Variants in ODAD2 observed in about 807,000 individuals in gnomAD.
ODAD2 encodes outer dynein arm docking complex subunit 2.
ODAD2 carries 89 observed loss-of-function variants against 106.8 expected under a neutral mutation model. That is an observed-to-expected ratio of 0.83 (90% CI 0.70 to 0.99). The LOEUF is 0.99. ODAD2 is among the 50% of genes least tolerant of loss of function. ODAD2 has a pLI of 0.00. For synonymous variants in ODAD2, 404 were observed against 436.2 expected, an observed-to-expected ratio of 0.93 and a Z score of 0.92; for missense variants, 1,168 against 1,238.5, an observed-to-expected ratio of 0.94 and a Z score of 0.85.
intron 17 of ODAD2, among the ~76,000 whole-genome samples, chr10:27,870,615 T>C (rs1676013510): frequency 6.6e-6 from 1 of 152,166 alleles, no homozygotes. Flanking sequence ...TTTGGTTTTT[T>C]GTCCTTGCGA....
At chr10:27,906,436 T>C (rs1048439451) in intron 17 of ODAD2, among the ~76,000 whole-genome samples, 2 of 152,186 alleles carry the variant, frequency 1.3e-5, no homozygotes, top group East Asian at 1.9e-4. Context: ...GTTCTACCAT[T>C]GTGGAAGACA....
At chr10:27,827,693 G>A (rs1277554325) in intron 19 of ODAD2, among the ~76,000 whole-genome samples, 1 of 151,964 alleles carries the variant, frequency 6.6e-6, no homozygotes, top group African/African-American at 2.4e-5. Flanking sequence ...CTCCCTGGAC[G>A]ACTGCCTAAC....
chr10:27,877,194 A>C (rs1186514612), intron 17 of ODAD2, among the ~76,000 whole-genome samples: 1 of 152,212 alleles, frequency 6.6e-6, no homozygotes, highest in Non-Finnish European at 1.5e-5. Flanking sequence ...CCAAATTTCA[A>C]ATCAGTTTTG....
chr10:27,850,006 G>A (rs1018767737), intron 19 of ODAD2, among the ~76,000 whole-genome samples: 1 of 152,126 alleles, frequency 6.6e-6, no homozygotes, highest in Non-Finnish European at 1.5e-5. Context: ...CATGAGTCAC[G>A]GTTTGAAATC....
intron 17 of ODAD2, among the ~76,000 whole-genome samples, chr10:27,880,054 G>A (rs893495771): frequency 1.3e-5 from 2 of 152,094 alleles, no homozygotes; most frequent in African/African-American, 2.4e-5. Flanking sequence ...TAGTTCTGCT[G>A]GTGTGGCAAA....
At chr10:27,903,826 T>C (rs1331165042) in intron 17 of ODAD2, among the ~76,000 whole-genome samples, 2 of 152,116 alleles carry the variant, frequency 1.3e-5, no homozygotes, top group Admixed American at 6.6e-5. Flanking sequence ...GAAAAGCTGG[T>C]GTCACAGGCT....
intron 17 of ODAD2, among the ~76,000 whole-genome samples, chr10:27,869,891 G>A (rs1304127625): frequency 6.6e-6 from 1 of 152,126 alleles, no homozygotes; most frequent in African/African-American, 2.4e-5. Flanking sequence ...TTCCAACAGT[G>A]ATGTTTGATG....
At chr10:27,870,505 T>A (rs1470908259) in intron 17 of ODAD2, among the ~76,000 whole-genome samples, 1 of 151,796 alleles carries the variant, frequency 6.6e-6, no homozygotes, top group East Asian at 1.9e-4. Context: ...CCCTCCCCCA[T>A]CCCCCAACCC....
intron 15 of ODAD2, 22 bp from the exon 16 acceptor site, chr10:27,935,274 G>A: frequency 6.2e-7 from 1 of 1,611,766 alleles, no homozygotes; most frequent in East Asian, 2.2e-5. Flanking sequence ...ATAAGAAAGA[G>A]GAGAATTGGT....
Position 27,830,211 on chromosome 10 carries a change from C to T in ODAD2, c.3022-17586G>A, listed in dbSNP as rs139234153. Among the ~76,000 whole-genome samples the T allele has an allele frequency of 4.9e-3, 749 of 152,214 alleles. 9 individuals are homozygous for T. Among genetic ancestry groups the T allele is most frequent in the African/African-American group, 0.017 (693 of 41,532 alleles). The stretch of plus-strand genomic sequence containing the variant: ...TTGGTCTCCTCACCTCCTGGTTTCC[C>T]GGAATGTCTTTCTCACCACATAACA... On this transcript the variant is annotated intron_variant, in intron 19 of 19. Coordinates refer to ENST00000305242, the MANE Select transcript of ODAD2 (RefSeq NM_018076.5).
chr10:27,961,159 T>C (rs75886239), intron 10 of ODAD2, among the ~76,000 whole-genome samples: 7 of 151,878 alleles, frequency 4.6e-5, no homozygotes, highest in Non-Finnish European at 1.0e-4. Flanking sequence ...TTTTATTCTA[T>C]GGGTTGAGAA....
intron 17 of ODAD2, among the ~76,000 whole-genome samples, chr10:27,884,140 T>C (rs1313703429): frequency 6.6e-6 from 1 of 152,100 alleles, no homozygotes; most frequent in Non-Finnish European, 1.5e-5. Context: ...AGTGAAACTA[T>C]TGAAAGACAA....
intron 19 of ODAD2, among the ~76,000 whole-genome samples, chr10:27,837,027 G>A (rs544144591): frequency 3.3e-5 from 5 of 152,058 alleles, no homozygotes; most frequent in Admixed American, 2.0e-4. Context: ...ACTGCCCACC[G>A]TGAGGATTTC....
chr10:27,837,547 T>C (rs1837988676), intron 19 of ODAD2, among the ~76,000 whole-genome samples: 1 of 152,224 alleles, frequency 6.6e-6, no homozygotes, highest in African/African-American at 2.4e-5. Context: ...GTTCTTATAA[T>C]AAGCAGAGGT....
At chr10:27,974,129 GTTTGTTTTTC>G (rs1849036894) in intron 7 of ODAD2, among the ~76,000 whole-genome samples, 1 of 152,116 alleles carries the variant, frequency 6.6e-6, no homozygotes, top group Non-Finnish European at 1.5e-5. Flanking sequence ...TAGTGGGGTT[GTTTGTTTTTC>G]TCTTGAAAAT....
rs1422355764 is a variant in ODAD2, at chr10:27,924,017, AGAAAGAAG to A, written c.2495+10985_2495+10992del. On this transcript the variant is annotated intron_variant, in intron 16 of 19. Transcript: ENST00000305242. ...AAGAAAGAAAGAAAGAAAGAAAGAA[AGAAAGAAG>A]GAAAGAGAAAGAAAGAAGGAAAGAG... Among the ~76,000 whole-genome samples, 147 of 142,336 alleles carry A rather than the reference AGAAAGAAG, an allele frequency of 1.0e-3. 3 individuals are homozygous for A. Among genetic ancestry groups the A allele is most frequent in the Middle Eastern group, 3.6e-3 (1 of 276 alleles). 93.4% of individuals were successfully genotyped at this position (142,336 alleles called of 152,430 possible). A position where few individuals can be genotyped will look rare whatever the true frequency, so the allele number is the denominator to read the frequency against.
intron 8 of ODAD2, among the ~76,000 whole-genome samples, chr10:27,970,146 A>C (rs1466085845): frequency 3.4e-5 from 5 of 149,198 alleles, no homozygotes; most frequent in Admixed American, 1.3e-4. Flanking sequence ...ATAAATAAAT[A>C]AATCTCTAGG....
intron 19 of ODAD2, among the ~76,000 whole-genome samples, chr10:27,825,115 A>G (rs1232780427): frequency 6.6e-6 from 1 of 152,186 alleles, no homozygotes; most frequent in Non-Finnish European, 1.5e-5. Context: ...ATCTTGGTGT[A>G]TCCTTGACTC....
intron 6 of ODAD2, chr10:27,982,004 ACT>A (rs1212508997): frequency 6.6e-6 from 1 of 152,346 alleles, no homozygotes; most frequent in Non-Finnish European, 1.5e-5. Flanking sequence ...TGTTTGTCAC[ACT>A]CTGTTCTTCT....
Sources: gnomAD v4.1 joint callset for allele counts (sites outside exome capture counted in the v4.1 genomes callset) on GRCh38, gnomAD v4.1.1 for gene constraint, MANE v1.5 for transcripts, NCBI Gene and HGNC (gene_info 2026-07-23, HGNC 2026-07-21) for gene names.